The following TLK2 variants were observed in gnomAD, a reference collection of about 807,000 sequenced individuals.
The protein encoded by TLK2 is serine/threonine-protein kinase tousled-like 2.
In TLK2, 6 loss-of-function variants were observed where a neutral mutation model predicts 117.3. The observed-to-expected ratio is 0.05, with a 90% CI of 0.03 to 0.10. The LOEUF is 0.10. Ranked by LOEUF, TLK2 falls within the 10% of genes least tolerant of loss-of-function variation. The pLI is 1.00. For synonymous variants in TLK2, 257 were observed against 316.7 expected (o/e 0.81, Z 2.00); for missense variants, 299 against 901.2 (o/e 0.33, Z 8.56).
At chr17:62,491,806 G>C (rs940431812) in intron 2 of TLK2, among the ~76,000 whole-genome samples, 4 of 152,112 alleles carry the variant, frequency 2.6e-5, no homozygotes, top group Non-Finnish European at 5.9e-5. Context: ...GGATGGTCTC[G>C]ATCTCCTGAC....
At chr17:62,575,663 T>A (rs1339985115) in intron 12 of TLK2, among the ~76,000 whole-genome samples, 1 of 152,128 alleles carries the variant, frequency 6.6e-6, no homozygotes, top group Non-Finnish European at 1.5e-5. Context: ...TTTATTTTCT[T>A]TCTTTCTGTC....
intron 10 of TLK2, among the ~76,000 whole-genome samples, chr17:62,561,398 T>TG (rs1323862216): frequency 6.6e-6 from 1 of 152,210 alleles, no homozygotes; most frequent in Admixed American, 6.5e-5. Context: ...CCTGAGGAAT[T>TG]GCGGGGTTTC....
At chr17:62,551,197 G>A (rs2078432189) in intron 7 of TLK2, among the ~76,000 whole-genome samples, 2 of 152,120 alleles carry the variant, frequency 1.3e-5, no homozygotes, top group Non-Finnish European at 2.9e-5. Context: ...AATAGTTGGT[G>A]GTTATACCAT....
At chr17:62,474,313 C>T (rs146765425), upstream of TLK2, among the ~76,000 whole-genome samples, 1,076 of 152,056 alleles carry the variant, frequency 7.1e-3, 8 homozygotes, top group African/African-American at 0.024. Flanking sequence ...CTCCTGACCT[C>T]GTGATTCACC....
At chr17:62,485,671 A>C (rs995873193) in intron 2 of TLK2, among the ~76,000 whole-genome samples, 3 of 131,380 alleles carry the variant, frequency 2.3e-5, no homozygotes, top group African/African-American at 8.7e-5. Context: ...TCATGAACTG[A>C]TGAGGGGAAA....
At chr17:62,563,592 T>A (rs2079477451) in intron 10 of TLK2, among the ~76,000 whole-genome samples, 1 of 152,250 alleles carries the variant, frequency 6.6e-6, no homozygotes, top group African/African-American at 2.4e-5. Flanking sequence ...ACAGGACATC[T>A]CAAGGACTTT....
At chr17:62,574,698 T>C (rs2080626788) in intron 12 of TLK2, among the ~76,000 whole-genome samples, 2 of 152,064 alleles carry the variant, frequency 1.3e-5, no homozygotes, top group South Asian at 4.1e-4. Flanking sequence ...GTATTTTTAG[T>C]AGAGATGGAG....
intron 2 of TLK2, among the ~76,000 whole-genome samples, chr17:62,515,716 A>T (rs1209046109): frequency 6.6e-6 from 1 of 152,058 alleles, no homozygotes; most frequent in Non-Finnish European, 1.5e-5. Flanking sequence ...TTATTCATAT[A>T]TTTGGGTTAT....
At position 62,605,231 on chromosome 17, in the gene TLK2, G is replaced by A. The variant is rs142267262; in HGVS notation, c.1860-899G>A. ...AATCCCAGCTACTTGGGTGGCTGAG[G>A]CAGGAGAATCGCTTGAACCTGGGAG... On this transcript the variant is annotated intron_variant, in intron 19 of 21. Transcript: ENST00000346027. Among the ~76,000 whole-genome samples, 798 of 152,274 alleles carry A rather than the reference G, an allele frequency of 5.2e-3. 5 individuals are homozygous for A. Among genetic ancestry groups the A allele is most frequent in the African/African-American group, 0.018 (760 of 41,570 alleles).
At chr17:62,600,952 G>A in intron 18 of TLK2, 132 bp downstream of exon 18, 1 of 905,054 alleles carries the variant, frequency 1.1e-6, no homozygotes, top group Non-Finnish European at 1.6e-6. Context: ...GATTGCCTGG[G>A]TAGGTGTGGG....
Position 62,522,686 on chromosome 17 carries a change from AAT to A in TLK2, c.223+416_223+417del, listed in dbSNP as rs570462128. Among the ~76,000 whole-genome samples the A allele has an allele frequency of 1.3e-3, 205 of 152,310 alleles. 1 individual carries two copies. Among genetic ancestry groups the A allele is most frequent in the Admixed American group, 3.5e-3 (53 of 15,306 alleles). ...TTCTTCCGTGGCAGTTGTTTAGTTG[AAT>A]ATTGGAACCCATTGGGATAAATCTG... On this transcript the variant is annotated intron_variant, in intron 4 of 21. Coordinates refer to ENST00000346027, the MANE Select transcript of TLK2 (RefSeq NM_006852.6).
At chr17:62,498,916 G>A (rs2073949658) in intron 2 of TLK2, among the ~76,000 whole-genome samples, 1 of 152,162 alleles carries the variant, frequency 6.6e-6, no homozygotes. Context: ...AGGCTGGAGT[G>A]CAGTGGCGCA....
At chr17:62,502,423 A>G (rs1330341420) in intron 2 of TLK2, among the ~76,000 whole-genome samples, 1 of 152,224 alleles carries the variant, frequency 6.6e-6, no homozygotes, top group Non-Finnish European at 1.5e-5. Context: ...TATGAAAAAT[A>G]TATAAGTAAC....
intron 9 of TLK2, among the ~76,000 whole-genome samples, chr17:62,559,521 G>T (rs2079103862): frequency 6.6e-6 from 1 of 151,842 alleles, no homozygotes. Flanking sequence ...GGAATTACAG[G>T]CTCCCGCAAC....
At chr17:62,495,977 A>T (rs1329710203) in intron 2 of TLK2, among the ~76,000 whole-genome samples, 2 of 151,838 alleles carry the variant, frequency 1.3e-5, no homozygotes, top group African/African-American at 2.4e-5. Context: ...CAAAATTAAA[A>T]TTTTTTACTA....
At chr17:62,605,195 CA>C (rs2147236652) in intron 19 of TLK2, among the ~76,000 whole-genome samples, 1 of 152,138 alleles carries the variant, frequency 6.6e-6, no homozygotes, top group South Asian at 2.1e-4. Context: ...AGCGTGGTGG[CA>C]CACGCCTGTA....
intron 11 of TLK2, among the ~76,000 whole-genome samples, chr17:62,565,392 C>T (rs111673087): frequency 2.0e-5 from 3 of 152,170 alleles, no homozygotes; most frequent in East Asian, 1.9e-4. Flanking sequence ...CGGTGGCTCA[C>T]GCCTGTAATC....
At chr17:62,545,089 C>G (rs56293507) in intron 7 of TLK2, among the ~76,000 whole-genome samples, 1 of 151,954 alleles carries the variant, frequency 6.6e-6, no homozygotes, top group South Asian at 2.1e-4. Flanking sequence ...TGCAGTGGTG[C>G]GATCTCAGCT....
chr17:62,493,449 C>T (rs1218021067), intron 2 of TLK2, among the ~76,000 whole-genome samples: 2 of 152,216 alleles, frequency 1.3e-5, no homozygotes, highest in Admixed American at 6.5e-5. Flanking sequence ...AATGCTGCTG[C>T]TATGAAAGTG....
Sources: gnomAD v4.1 joint callset for allele counts (sites outside exome capture counted in the v4.1 genomes callset) on GRCh38, gnomAD v4.1.1 for gene constraint, MANE v1.5 for transcripts, NCBI Gene and HGNC (gene_info 2026-07-23, HGNC 2026-07-21) for gene names.